Variants in UNC13A observed in about 807,000 individuals in gnomAD.
UNC13A encodes unc-13 homolog A.
Under a neutral mutation model 219.7 loss-of-function variants are expected in UNC13A, and 61 were observed. The observed-to-expected ratio is 0.28, with a 90% CI of 0.23 to 0.34. The LOEUF is 0.34. Among genes scored for constraint, UNC13A ranks in the 10% least tolerant of loss-of-function variants. UNC13A has a pLI of 1.00. For missense variants in UNC13A, 1,476 were observed against 2,270.3 expected (o/e 0.65, Z 7.11); for synonymous variants, 920 against 884.6 (o/e 1.04, Z -0.71).
intron 12 of UNC13A, among the ~76,000 whole-genome samples, chr19:17,652,002 A>C (rs753389096): frequency 3.3e-5 from 5 of 152,232 alleles, no homozygotes; most frequent in Non-Finnish European, 5.9e-5. Flanking sequence ...CTGTAGCAAT[A>C]ATCAAAGAGA....
intron 41 of UNC13A, chr19:17,613,717 T>TC (rs2076629768): frequency 6.8e-6 from 1 of 147,476 alleles, no homozygotes. Context: ...TTTTTTTTTT[T>TC]TTTTTTTCTT....
At chr19:17,616,293 G>A (rs2144944257) in intron 41 of UNC13A, 4 of 593,616 alleles carry the variant, frequency 6.7e-6, no homozygotes, top group Non-Finnish European at 1.2e-5. Flanking sequence ...AGGCCTGGGC[G>A]GCGGCCCTGC....
At chr19:17,616,907 G>C (rs993188581) in intron 41 of UNC13A, among the ~76,000 whole-genome samples, 1 of 152,180 alleles carries the variant, frequency 6.6e-6, no homozygotes, top group Non-Finnish European at 1.5e-5. Context: ...GAAAAGGGGG[G>C]GTCCCCAGGG....
At position 17,614,586 on chromosome 19, in the gene UNC13A, G is replaced by A. The variant is rs2076641817; in HGVS notation, c.4559-2731C>T. Among the ~76,000 whole-genome samples, 7 of 152,224 alleles carry A rather than the reference G, an allele frequency of 4.6e-5. No individual in the cohort carries two copies. The South Asian group carries it at 1.5e-3, about 32-fold the overall frequency. ...TCCTGGACCACCCCATGCACGGGGAGAAGAAGGGGAAAGTCAGAGGTGAGG... is the reference window on the plus strand; with the variant it reads ...TCCTGGACCACCCCATGCACGGGGAAAAGAAGGGGAAAGTCAGAGGTGAGG... On this transcript the variant is annotated intron_variant, in intron 41 of 43. Coordinates refer to ENST00000519716, the MANE Select transcript of UNC13A (RefSeq NM_001080421.3).
At chr19:17,678,731 G>A (rs2079949138) in intron 1 of UNC13A, among the ~76,000 whole-genome samples, 1 of 152,008 alleles carries the variant, frequency 6.6e-6, no homozygotes, top group Non-Finnish European at 1.5e-5. Context: ...CCTGGAGGAG[G>A]TCCAGCCTGC....
chr19:17,660,694 G>C (rs1350505784), intron 8 of UNC13A, among the ~76,000 whole-genome samples: 4 of 151,890 alleles, frequency 2.6e-5, no homozygotes, highest in African/African-American at 9.7e-5. Flanking sequence ...ACCATGCCTG[G>C]CTAATTTTTG....
chr19:17,626,501 T>G, intron 34 of UNC13A, 132 bp downstream of exon 34: 1 of 967,122 alleles, frequency 1.0e-6, no homozygotes, highest in South Asian at 2.1e-5. Context: ...TGCCACCATC[T>G]ACTCAGCCAT....
chr19:17,663,865 G>A (rs564282705), intron 7 of UNC13A, among the ~76,000 whole-genome samples: 18 of 151,926 alleles, frequency 1.2e-4, no homozygotes, highest in African/African-American at 2.4e-5. Context: ...GTGCAATCAC[G>A]GCTTACTGCA....
chr19:17,611,123 C>G (rs1351991312), intron 42 of UNC13A, among the ~76,000 whole-genome samples: 1 of 152,180 alleles, frequency 6.6e-6, no homozygotes, highest in African/African-American at 2.4e-5. Context: ...TGCGAAGCCT[C>G]CATATCAGCT....
chr19:17,628,136 G>T (rs1203504955), intron 31 of UNC13A, 196 bp from the exon 32 acceptor site: 1 of 590,286 alleles, frequency 1.7e-6, no homozygotes, highest in East Asian at 2.9e-5. Context: ...GCATCTCTGG[G>T]GACTGGTGGG....
intron 41 of UNC13A, 171 bp from the exon 42 acceptor site, chr19:17,612,026 C>T (rs995099681): frequency 3.6e-6 from 2 of 560,418 alleles, no homozygotes; most frequent in Non-Finnish European, 6.3e-6. Context: ...AGCCAAGAAT[C>T]CTGGGTTCTG....
chr19:17,605,868 G>T lies in UNC13A; in HGVS notation c.*186C>A. On this transcript the variant is annotated 3_prime_UTR_variant, in exon 44 of 44. Transcript: ENST00000519716. ...CCCTTGGGCGTGGCCTCCCGAGAGG[G>T]CGGGGCATCCTCCATTCCTAATTCC... 1.7e-6 allele frequency: 1 copy of T among 575,528 alleles called. No homozygotes were observed. The highest frequency in any genetic ancestry group is 2.7e-6 in the Non-Finnish European group (1 of 369,528). The allele number at this position is 575,528 out of a possible 1,614,324, so 35.7% of individuals were successfully genotyped here.
intron 26 of UNC13A, 43 bp from the exon 27 acceptor site, chr19:17,633,236 C>T (rs1484370496): frequency 6.3e-7 from 1 of 1,581,580 alleles, no homozygotes; most frequent in Admixed American, 1.7e-5. Context: ...AGGCAGAAGG[C>T]AGATGGGATG....
At chr19:17,639,729 C>T in intron 23 of UNC13A, 111 bp downstream of exon 23, 1 of 1,312,388 alleles carries the variant, frequency 7.6e-7, no homozygotes, top group South Asian at 1.3e-5. Context: ...TGGAGGAACA[C>T]ATCGTACATG....
intron 8 of UNC13A, among the ~76,000 whole-genome samples, chr19:17,661,104 C>CTTTTTTT (rs11287808): frequency 0.025 from 3,349 of 135,280 alleles, 55 homozygotes; most frequent in Middle Eastern, 0.041. Flanking sequence ...ACACCCGGCC[C>CTTTTTTT]TTTTTTTTTT....
chr19:17,650,717 A>G (rs2079328383), intron 12 of UNC13A, among the ~76,000 whole-genome samples: 1 of 151,648 alleles, frequency 6.6e-6, no homozygotes, highest in Non-Finnish European at 1.5e-5. Context: ...ACCTCAGGCG[A>G]TCCGCCCACC....
chr19:17,605,937 T>G lies in UNC13A; in HGVS notation c.*117A>C. 1 of 986,756 alleles carries G rather than the reference T, an allele frequency of 1.0e-6. No individual in the cohort carries two copies. The highest frequency in any genetic ancestry group is 1.4e-6 in the Non-Finnish European group (1 of 731,656). 61.1% of individuals were successfully genotyped at this position (986,756 alleles called of 1,614,324 possible). The stretch of plus-strand genomic sequence containing the variant: ...TCAAGGGCGTAGGCGCAGCCCACCC[T>G]TGGCGTGGAGCCCCCCGAGCCCCGC... On this transcript the variant is annotated 3_prime_UTR_variant, in exon 44 of 44. Coordinates refer to ENST00000519716, the MANE Select transcript of UNC13A (RefSeq NM_001080421.3).
At position 17,602,314 on chromosome 19, in the gene UNC13A, T is replaced by G. The variant is rs2076473439; in HGVS notation, c.*3740A>C. ...ATTTCCACCTCTATGTCTCTCTCCA[T>G]CTCTGTCTCTCTCCGTCCTCATCGG... On this transcript the variant is annotated 3_prime_UTR_variant, in exon 44 of 44. Coordinates refer to ENST00000519716, the MANE Select transcript of UNC13A (RefSeq NM_001080421.3). 6.6e-6 allele frequency: 1 copy of G among 152,450 alleles called. No individual in the cohort carries two copies. Among genetic ancestry groups the G allele is most frequent in the Admixed American group, 6.6e-5 (1 of 15,250 alleles). The allele number at this position is 152,450 out of a possible 1,614,324, so 9.4% of individuals were successfully genotyped here.
At chr19:17,677,744 CAT>C in intron 1 of UNC13A, among the ~76,000 whole-genome samples, 1 of 152,154 alleles carries the variant, frequency 6.6e-6, no homozygotes, top group Non-Finnish European at 1.5e-5. Context: ...AATGCATGCA[CAT>C]GTTGTAAAAT....
Sources: gnomAD v4.1 joint callset for allele counts (sites outside exome capture counted in the v4.1 genomes callset) on GRCh38, gnomAD v4.1.1 for gene constraint, MANE v1.5 for transcripts, NCBI Gene and HGNC (gene_info 2026-07-23, HGNC 2026-07-21) for gene names.